The following RBFOX1 variants were observed in gnomAD, a reference collection of about 807,000 sequenced individuals.
The protein encoded by RBFOX1 is RNA binding fox-1 homolog 1, also known as RNA binding protein fox-1 homolog 1.
Under a neutral mutation model 57.7 loss-of-function variants are expected in RBFOX1, and 8 were observed. That is an observed-to-expected ratio of 0.14 (90% CI 0.08 to 0.25). The LOEUF (loss-of-function observed/expected upper bound fraction) is 0.25. Among genes scored for constraint, RBFOX1 ranks in the 10% least tolerant of loss-of-function variants. The pLI is 1.00. For missense variants in RBFOX1, 611 were observed against 548.5 expected (o/e 1.11, Z -1.14); for synonymous variants, 326 against 222.4 (o/e 1.47, Z -4.15).
intron 3 of RBFOX1, among the ~76,000 whole-genome samples, chr16:7,044,500 G>A (rs1027913090): frequency 1.1e-4 from 17 of 152,276 alleles, no homozygotes; most frequent in Admixed American, 2.6e-4. Context: ...TAAACATCTC[G>A]TTCAACCGGG....
rs917865287 is a variant in RBFOX1 at position 6,166,303 on chromosome 16, C to G, written c.-127+146311C>G. On this transcript the variant is annotated intron_variant, in intron 1 of 15. Coordinates refer to ENST00000550418, the MANE Select transcript of RBFOX1 (RefSeq NM_018723.4). ...TAAGGACTCTCTGGGGTCCAAATGACGGGGACCAAGCTCGCACACATCATT... is the reference window on the plus strand; with the variant it reads ...TAAGGACTCTCTGGGGTCCAAATGAGGGGGACCAAGCTCGCACACATCATT... Among the ~76,000 whole-genome samples the G allele has an allele frequency of 2.7e-5, 4 of 150,700 alleles. No homozygotes were observed. In the East Asian group the frequency reaches 8.0e-4, roughly 30 times the overall value.
intron 3 of RBFOX1, among the ~76,000 whole-genome samples, chr16:5,734,651 G>A (rs766034832): frequency 1.4e-4 from 22 of 152,160 alleles, no homozygotes; most frequent in Non-Finnish European, 2.5e-4. Flanking sequence ...GCACCTGCCT[G>A]TCGCCTTCCT....
intron 4 of RBFOX1, among the ~76,000 whole-genome samples, chr16:5,923,480 A>G (rs1292600211): frequency 6.7e-6 from 1 of 150,242 alleles, no homozygotes; most frequent in Non-Finnish European, 1.5e-5. Context: ...CACGGAGAGC[A>G]GAGGACAGAT....
At chr16:6,245,828 T>A (rs556686293) in intron 1 of RBFOX1, among the ~76,000 whole-genome samples, 2 of 152,318 alleles carry the variant, frequency 1.3e-5, no homozygotes, top group Admixed American at 6.5e-5. Flanking sequence ...GTAATTCCAT[T>A]CCTTGGTCAT....
At chr16:7,398,355 A>T (rs966320125) in intron 4 of RBFOX1, among the ~76,000 whole-genome samples, 2 of 152,228 alleles carry the variant, frequency 1.3e-5, no homozygotes, top group African/African-American at 2.4e-5. Context: ...ACAGAGAACT[A>T]TCTCAGTGTT....
intron 4 of RBFOX1, among the ~76,000 whole-genome samples, chr16:5,905,592 CG>C (rs1315233012): frequency 6.6e-6 from 1 of 152,100 alleles, no homozygotes; most frequent in East Asian, 1.9e-4. Context: ...ACACATCTGC[CG>C]TCATGGCTGT....
At chr16:5,914,808 T>A (rs1423264085) in intron 4 of RBFOX1, among the ~76,000 whole-genome samples, 3 of 151,918 alleles carry the variant, frequency 2.0e-5, no homozygotes, top group Non-Finnish European at 2.9e-5. Context: ...GGCAGGAGAA[T>A]GGCATGAACC....
chr16:6,167,429 C>T (rs1385080912), intron 1 of RBFOX1, among the ~76,000 whole-genome samples: 1 of 152,158 alleles, frequency 6.6e-6, no homozygotes, highest in Non-Finnish European at 1.5e-5. Flanking sequence ...AACGGTAGCT[C>T]CTGCTGTTAT....
At chr16:6,816,115 C>T (rs1603628255) in intron 3 of RBFOX1, among the ~76,000 whole-genome samples, 1 of 152,162 alleles carries the variant, frequency 6.6e-6, no homozygotes, top group East Asian at 1.9e-4. Context: ...CGAGACCAGC[C>T]TGTGCAACAT....
At chr16:7,210,735 C>T (rs1603231534) in intron 4 of RBFOX1, among the ~76,000 whole-genome samples, 1 of 151,932 alleles carries the variant, frequency 6.6e-6, no homozygotes, top group African/African-American at 2.4e-5. Context: ...CTCATAGTAT[C>T]AATAAGGGGG....
At chr16:7,448,355 G>A (rs2098824466) in intron 4 of RBFOX1, among the ~76,000 whole-genome samples, 1 of 152,142 alleles carries the variant, frequency 6.6e-6, no homozygotes, top group South Asian at 2.1e-4. Flanking sequence ...AGAAAAAGAG[G>A]TTCAGTGGCC....
chr16:6,327,862 C>G (rs894790147), intron 2 of RBFOX1, among the ~76,000 whole-genome samples: 2 of 152,076 alleles, frequency 1.3e-5, no homozygotes, highest in Admixed American at 1.3e-4. Context: ...CTCTTCAATC[C>G]CGTGGGTTAC....
intron 4 of RBFOX1, among the ~76,000 whole-genome samples, chr16:7,497,673 A>G (rs2069140225): frequency 6.6e-6 from 1 of 152,234 alleles, no homozygotes; most frequent in Non-Finnish European, 1.5e-5. Flanking sequence ...GTCAAAAACT[A>G]CATTTCGAAT....
At chr16:5,332,926 C>A (rs1420246862) in intron 1 of RBFOX1, among the ~76,000 whole-genome samples, 8 of 152,156 alleles carry the variant, frequency 5.3e-5, no homozygotes, top group Non-Finnish European at 1.5e-5. Context: ...TGGCTCACAC[C>A]TGTAATCCCA....
At chr16:7,268,265 T>A (rs2095225276) in intron 4 of RBFOX1, among the ~76,000 whole-genome samples, 2 of 152,162 alleles carry the variant, frequency 1.3e-5, no homozygotes, top group African/African-American at 4.8e-5. Flanking sequence ...TAGGACTGTG[T>A]TTGCATTTTC....
intron 4 of RBFOX1, chr16:7,510,173 A>T: frequency 1.0e-6 from 1 of 985,730 alleles, no homozygotes; most frequent in Non-Finnish European, 1.2e-6. Flanking sequence ...ACCTTCCTCA[A>T]CACCCCGATC....
chr16:6,966,943 C>G (rs977150407), intron 3 of RBFOX1, among the ~76,000 whole-genome samples: 11 of 151,556 alleles, frequency 7.3e-5, no homozygotes, highest in African/African-American at 1.2e-4. Context: ...ATCCATTGGC[C>G]TACCTATTAT....
intron 2 of RBFOX1, among the ~76,000 whole-genome samples, chr16:6,407,567 G>GTGTGTC (rs67151505): frequency 0.011 from 1,608 of 145,028 alleles, 45 homozygotes; most frequent in East Asian, 0.035. Context: ...GTGTGTGTGT[G>GTGTGTC]ACAGAGAGAG....
intron 2 of RBFOX1, among the ~76,000 whole-genome samples, chr16:6,518,907 G>A (rs1224737426): frequency 6.6e-6 from 1 of 151,922 alleles, no homozygotes; most frequent in African/African-American, 2.4e-5. Flanking sequence ...CAAAAGCAGG[G>A]ATAGCATTTG....
Sources: gnomAD v4.1 joint callset for allele counts (sites outside exome capture counted in the v4.1 genomes callset) on GRCh38, gnomAD v4.1.1 for gene constraint, MANE v1.5 for transcripts, NCBI Gene and HGNC (gene_info 2026-07-23, HGNC 2026-07-21) for gene names.